The following CCDC183 variants were observed in gnomAD, a reference collection of about 807,000 sequenced individuals.
CCDC183 encodes coiled-coil domain containing 183, also known as coiled-coil domain-containing protein 183.
A neutral mutation model predicts 65.2 loss-of-function variants in CCDC183; 63 were observed. The ratio of observed to expected loss-of-function variants is 0.97; its 90% CI spans 0.79 to 1.19. The LOEUF (loss-of-function observed/expected upper bound fraction) is 1.19. CCDC183 is among the 50% of genes most tolerant of loss of function. The probability of loss-of-function intolerance (pLI) is 0.00; values close to 1 mark genes in which losing one functional copy is unlikely to be tolerated. For missense variants in CCDC183, 769 were observed against 689.3 expected (o/e 1.12, Z -1.30); for synonymous variants, 323 against 276.5 (o/e 1.17, Z -1.67).
chr9:136,802,550 G>A (rs943798151), intron 5 of CCDC183, 114 bp from the exon 6 acceptor site: 4 of 1,415,428 alleles, frequency 2.8e-6, no homozygotes, highest in South Asian at 2.9e-5. Flanking sequence ...GGAGGTGGCT[G>A]GGGCCACAGA....
intron 5 of CCDC183, 77 bp from the exon 6 acceptor site, chr9:136,802,586 CT>C: frequency 6.5e-7 from 1 of 1,532,690 alleles, no homozygotes; most frequent in Non-Finnish European, 8.8e-7. Context: ...GTTCTCAGGG[CT>C]CTTAGTCGGG....
At position 136,806,255 on chromosome 9, in the gene CCDC183, G is replaced by C. The variant is rs1027552595; in HGVS notation, c.1109+17G>C. The C allele has an allele frequency of 6.3e-7, 1 of 1,580,826 alleles. No homozygotes were observed. Among genetic ancestry groups the C allele is most frequent in the African/African-American group, 1.4e-5 (1 of 73,892 alleles). The stretch of plus-strand genomic sequence containing the variant: ...CTCCATCAGGTGCCCCGGGCTTCCG[G>C]GGCTGCGGGCCACCCACCCCAGTCT... On this transcript the variant is annotated intron_variant, in intron 10 of 13. Coordinates refer to ENST00000338005, the MANE Select transcript of CCDC183 (RefSeq NM_001039374.5).
Position 136,806,546 on chromosome 9 carries a change from GGAAGAAGA to G in CCDC183, c.1155_1162del (p.Glu386AlafsTer33). 6.2e-7 allele frequency: 1 copy of G among 1,613,646 alleles called. No homozygotes were observed. Among genetic ancestry groups the G allele is most frequent in the Middle Eastern group, 1.6e-4 (1 of 6,062 alleles). Reference sequence around the variant, plus strand: ...AGAAAATGACAGACATGCTAAAAGAGGAAGAAGAGAGGCTCCAGCTGGCGCACAGCAAC... The same window carrying G: ...AGAAAATGACAGACATGCTAAAAGAGGAGGCTCCAGCTGGCGCACAGCAAC... On this transcript the variant is annotated frameshift_variant, in exon 11 of 14. Coordinates refer to ENST00000338005, the MANE Select transcript of CCDC183 (RefSeq NM_001039374.5). LOFTEE classifies it high-confidence loss of function.
chr9:136,805,306 G>C, intron 8 of CCDC183, 51 bp from the exon 9 acceptor site: 1 of 1,472,168 alleles, frequency 6.8e-7, no homozygotes, highest in African/African-American at 1.4e-5. Flanking sequence ...CTTACACAGA[G>C]CCCCTGAGCC....
intron 6 of CCDC183, among the ~76,000 whole-genome samples, chr9:136,803,556 AG>A (rs1847786547): frequency 1.3e-5 from 2 of 152,352 alleles, no homozygotes; most frequent in South Asian, 2.1e-4. Flanking sequence ...GGACCGGGAC[AG>A]GCAGACCCTG....
At chr9:136,800,647 T>C in intron 5 of CCDC183, 154 bp downstream of exon 5, 2 of 607,628 alleles carry the variant, frequency 3.3e-6, no homozygotes, top group Non-Finnish European at 5.8e-6. Flanking sequence ...GGAAAACGTT[T>C]TTTTAAACTT....
chr9:136,807,462 TGGGGCAAGGCACCTGGCCC>T lies in CCDC183; in HGVS notation c.1487-106_1487-88del. 3 of 1,349,258 alleles carry T rather than the reference TGGGGCAAGGCACCTGGCCC, an allele frequency of 2.2e-6. No homozygotes were observed. In the South Asian group the frequency reaches 4.5e-5, roughly 20 times the overall value. 83.6% of individuals were successfully genotyped at this position (1,349,258 alleles called of 1,614,324 possible). On this transcript the variant is annotated intron_variant, in intron 13 of 13. Coordinates refer to ENST00000338005, the MANE Select transcript of CCDC183 (RefSeq NM_001039374.5). ...CCTCCCGGCACGCTGGGGCTGTCCC[TGGGGCAAGGCACCTGGCCC>T]GGGTCGGTGGAGGGCGGGGGCGAGA...
chr9:136,800,637 G>A, intron 5 of CCDC183, 144 bp downstream of exon 5: 1 of 621,716 alleles, frequency 1.6e-6, no homozygotes, highest in Middle Eastern at 3.3e-4. Flanking sequence ...CGAGGCATGT[G>A]GAAAACGTTT....
chr9:136,800,647 T>G, intron 5 of CCDC183, 154 bp downstream of exon 5: 2 of 607,628 alleles, frequency 3.3e-6, no homozygotes, highest in Non-Finnish European at 5.8e-6. Context: ...GGAAAACGTT[T>G]TTTTAAACTT....
At chr9:136,806,373 A>C in intron 10 of CCDC183, 131 bp from the exon 11 acceptor site, 1 of 1,390,608 alleles carries the variant, frequency 7.2e-7, no homozygotes, top group South Asian at 1.3e-5. Context: ...AGGGGACTCC[A>C]CTTGCACACA....
chr9:136,800,723 G>C (rs1847725988), intron 5 of CCDC183: 1 of 542,042 alleles, frequency 1.8e-6, no homozygotes, highest in South Asian at 2.1e-5. Context: ...TTTCTTGCAC[G>C]TATTAAATGA....
rs1318433599 is a variant in CCDC183 at position 136,799,992 on chromosome 9, C to A, written c.271-10C>A. On this transcript the variant is annotated splice_polypyrimidine_tract_variant and intron_variant, in intron 3 of 13. Transcript: ENST00000338005. ...GCAACCACGAGTGGGCGGTGCCCTT[C>A]CCGACCCAGGTGGTGCGGGAGAAGC... The A allele has an allele frequency of 1.0e-5, 16 of 1,580,306 alleles. No individual in the cohort carries two copies.
At chr9:136,807,288 C>T (rs1847877299) in intron 13 of CCDC183, 2 of 640,798 alleles carry the variant, frequency 3.1e-6, no homozygotes, top group Non-Finnish European at 5.3e-6. Flanking sequence ...AAGGAGGAGG[C>T]ATGCCATGCC....
At chr9:136,803,185 GGGGTC>G (rs1847771998) in intron 6 of CCDC183, among the ~76,000 whole-genome samples, 8 of 39,040 alleles carry the variant, frequency 2.0e-4, no homozygotes, top group Admixed American at 3.6e-4. Flanking sequence ...ATCTTCGGAT[GGGGTC>G]AAGGTGAGCT....
At chr9:136,805,621 G>A (rs142618065) in intron 9 of CCDC183, 164 bp downstream of exon 9, 8 of 603,030 alleles carry the variant, frequency 1.3e-5, no homozygotes, top group East Asian at 2.8e-5. Flanking sequence ...TCCCTCGGCC[G>A]CCCCAAATCC....
At chr9:136,806,310 G>C in intron 10 of CCDC183, 72 bp downstream of exon 10, 1 of 1,493,850 alleles carries the variant, frequency 6.7e-7, no homozygotes, top group Non-Finnish European at 9.0e-7. Flanking sequence ...AGCCAGGCTG[G>C]GAGCTGGGAG....
chr9:136,804,478 C>T lies in CCDC183; in HGVS notation c.667-24C>T, dbSNP rs1274787102. 1.2e-6 allele frequency: 2 copies of T among 1,608,226 alleles called. No individual in the cohort carries two copies. The highest frequency in any genetic ancestry group is 1.7e-6 in the Non-Finnish European group (2 of 1,178,278). On this transcript the variant is annotated intron_variant, in intron 6 of 13. Transcript: ENST00000338005. The surrounding 1 kb of genome is among the most constrained non-coding windows in gnomAD (Gnocchi z 4.1). ...GCCTTGTTGAGACAGCTCCCCAACC[C>T]TGTGCCCACCCGCATGTCCCCAGAG...
At chr9:136,797,718 G>A (rs145455258) in intron 1 of CCDC183, among the ~76,000 whole-genome samples, 137 of 152,202 alleles carry the variant, frequency 9.0e-4, no homozygotes, top group African/African-American at 2.9e-3. Flanking sequence ...GATTACAGGC[G>A]TGAGCCACCA....
chr9:136,799,318 C>T (rs779460009), intron 2 of CCDC183, 95 bp downstream of exon 2: 716 of 1,473,076 alleles, frequency 4.9e-4, no homozygotes, highest in Non-Finnish European at 6.2e-4. Context: ...TCCACCCCCA[C>T]CCCAATCTTT....
Sources: gnomAD v4.1 joint callset for allele counts (sites outside exome capture counted in the v4.1 genomes callset) on GRCh38, gnomAD v4.1.1 for gene constraint, Gnocchi (gnomAD v3.1) non-coding constraint, MANE v1.5 for transcripts, NCBI Gene and HGNC (gene_info 2026-07-23, HGNC 2026-07-21) for gene names.